The following ST3GAL6 variants were observed in gnomAD, a reference collection of about 807,000 sequenced individuals.
The protein encoded by ST3GAL6 is type 2 lactosamine alpha-2,3-sialyltransferase.
A neutral mutation model predicts 40.5 loss-of-function variants in ST3GAL6; 31 were observed. The ratio of observed to expected loss-of-function variants is 0.77; its 90% confidence interval spans 0.58 to 1.03. ST3GAL6 has a LOEUF of 1.03. ST3GAL6 is among the 50% of genes least tolerant of loss of function. The pLI, the probability that ST3GAL6 is intolerant of heterozygous loss-of-function variation, is 0.00. For missense variants in ST3GAL6, 357 were observed against 393.2 expected (o/e 0.91, Z 0.78); for synonymous variants, 129 against 136.9 (o/e 0.94, Z 0.40).
upstream of ST3GAL6, among the ~76,000 whole-genome samples, chr3:98,758,678 C>G (rs1471811268): frequency 6.6e-6 from 1 of 152,148 alleles, no homozygotes; most frequent in African/African-American, 2.4e-5. Context: ...GTAATGGAAA[C>G]TTAATTTTTC....
At position 98,770,968 on chromosome 3, in the gene ST3GAL6, C is replaced by T; in HGVS notation, c.167+12C>T. 6.2e-7 allele frequency: 1 copy of T among 1,611,688 alleles called. No homozygotes were observed. Among genetic ancestry groups the T allele is most frequent in the African/African-American group, 1.3e-5 (1 of 74,908 alleles). On this transcript the variant is annotated intron_variant, in intron 3 of 9. Transcript: ENST00000483910. The stretch of plus-strand genomic sequence containing the variant: ...GCCTCTCTGCTGAGGTAAAAATATA[C>T]CAGAAAAACCTGTGGCATACAAAAT...
At chr3:98,753,277 C>T (rs1281188352) in intron 1 of ST3GAL6, among the ~76,000 whole-genome samples, 1 of 152,170 alleles carries the variant, frequency 6.6e-6, no homozygotes. Flanking sequence ...AGCCTGATCC[C>T]AAACAAGGCT....
Position 98,788,120 on chromosome 3 carries a change from T to G in ST3GAL6, c.516T>G (p.Phe172Leu). ...GACTTTTTTATCCAGAATCTGTTTT[T>G]TCAGATCCTATTCACAATGACCCTA... ...TFRLFYPESV[F>L]SDPIHNDPNT... Residue 172 changes from phenylalanine (F) to leucine (L), a missense_variant, in exon 7 of 10, where the codon TTT becomes TTG. Phe to Leu is a conservative substitution (Grantham distance 22). Coordinates refer to ENST00000483910, the MANE Select transcript of ST3GAL6 (RefSeq NM_001323368.2). The G allele has an allele frequency of 6.2e-7, 1 of 1,614,040 alleles. No individual in the cohort carries two copies. Among genetic ancestry groups the G allele is most frequent in the Non-Finnish European group, 8.5e-7 (1 of 1,179,964 alleles).
chr3:98,740,101 A>C (rs1935934050), intron 1 of ST3GAL6, among the ~76,000 whole-genome samples: 1 of 152,164 alleles, frequency 6.6e-6, no homozygotes, highest in Admixed American at 6.5e-5. Context: ...ATGATAAATA[A>C]TTGGATTTTT....
Position 98,788,311 on chromosome 3 carries a change from A to G in ST3GAL6, c.619-15A>G. 6.2e-7 allele frequency: 1 copy of G among 1,600,618 alleles called. No individual in the cohort carries two copies. The highest frequency in any genetic ancestry group is 8.5e-7 in the Non-Finnish European group (1 of 1,175,286). On this transcript the variant is annotated splice_polypyrimidine_tract_variant and intron_variant, in intron 7 of 9. Coordinates refer to ENST00000483910, the MANE Select transcript of ST3GAL6 (RefSeq NM_001323368.2). ...ACAGCCACACTGTTCTATTCTCTAT[A>G]TTTTTTACTTTCAGAACACTAATGG...
intron 2 of ST3GAL6, among the ~76,000 whole-genome samples, chr3:98,769,656 C>G (rs1262400083): frequency 6.6e-6 from 1 of 152,186 alleles, no homozygotes; most frequent in Non-Finnish European, 1.5e-5. Context: ...TGTCACTCCT[C>G]AGCTAACACA....
chr3:98,777,593 A>T (rs1358681780), intron 5 of ST3GAL6, among the ~76,000 whole-genome samples: 1 of 152,230 alleles, frequency 6.6e-6, no homozygotes, highest in African/African-American at 2.4e-5. Context: ...AGGAAACAAG[A>T]TTATTGGGGA....
At chr3:98,763,602 A>G (rs926566850) in intron 1 of ST3GAL6, among the ~76,000 whole-genome samples, 163 bp downstream of exon 1, 2 of 152,142 alleles carry the variant, frequency 1.3e-5, no homozygotes, top group African/African-American at 4.8e-5. Flanking sequence ...AGTATTATTG[A>G]ACAGCAGCAT....
Position 98,785,022 on chromosome 3 carries a change from C to T in ST3GAL6, c.413C>T (p.Ser138Phe), listed in dbSNP as rs764678596. The change falls in exon 6 of 10, where the codon TCC becomes TTC. Residue 138 changes from serine (S) to phenylalanine (F), a missense_variant. Ser to Phe is a radical substitution (Grantham distance 155). Coordinates refer to ENST00000483910, the MANE Select transcript of ST3GAL6 (RefSeq NM_001323368.2). Reference protein sequence around the residue: ...KNKTLGEKIDSYDVIIRMNNG... With the variant: ...KNKTLGEKIDFYDVIIRMNNG... Reference sequence around the variant, plus strand: ...AAGACATTAGGAGAAAAAATCGACTCCTATGATGTAATAATAAGGTAAATA... The same window carrying T: ...AAGACATTAGGAGAAAAAATCGACTTCTATGATGTAATAATAAGGTAAATA... The T allele has an allele frequency of 2.5e-6, 4 of 1,605,104 alleles. No homozygotes were observed. The highest frequency in any genetic ancestry group is 1.7e-5 in the Admixed American group (1 of 59,960).
At chr3:98,787,454 A>G (rs912176958) in intron 6 of ST3GAL6, among the ~76,000 whole-genome samples, 2 of 152,250 alleles carry the variant, frequency 1.3e-5, no homozygotes, top group Admixed American at 1.3e-4. Context: ...GGCTTTCAGC[A>G]TACACAAACC....
At chr3:98,758,390 T>C (rs1937545845), upstream of ST3GAL6, among the ~76,000 whole-genome samples, 1 of 152,216 alleles carries the variant, frequency 6.6e-6, no homozygotes, top group African/African-American at 2.4e-5. Context: ...GAGTTCTTGA[T>C]TTTTATTTGC....
At chr3:98,779,026 T>C (rs571081068) in intron 5 of ST3GAL6, among the ~76,000 whole-genome samples, 1 of 152,306 alleles carries the variant, frequency 6.6e-6, no homozygotes, top group African/African-American at 2.4e-5. Flanking sequence ...CTCCCGGACA[T>C]TGGACTGTGT....
chr3:98,742,478 C>T (rs1238800941), intron 1 of ST3GAL6, among the ~76,000 whole-genome samples: 1 of 152,088 alleles, frequency 6.6e-6, no homozygotes, highest in Non-Finnish European at 1.5e-5. Flanking sequence ...AGTGGAATGT[C>T]AGGGAGAGGT....
rs542193364 is a variant in ST3GAL6, at chr3:98,783,582, A to T, written c.336-1363A>T. ...CTATAGACTCCCAGAAAAAAGAAAT[A>T]AAAAAAATGCAAAGAAAATTTAAAT... On this transcript the variant is annotated intron_variant, in intron 5 of 9. Transcript: ENST00000483910. 168 of 980,042 alleles carry T rather than the reference A, an allele frequency of 1.7e-4. No homozygotes were observed. In the African/African-American group the frequency reaches 2.6e-3, roughly 15 times the overall value. The allele number at this position is 980,042 out of a possible 1,614,324, so 60.7% of individuals were successfully genotyped here. A position where few individuals can be genotyped will look rare whatever the true frequency, so the allele number is the denominator to read the frequency against.
chr3:98,784,229 G>A (rs979892015), intron 5 of ST3GAL6, among the ~76,000 whole-genome samples: 3 of 152,230 alleles, frequency 2.0e-5, no homozygotes, highest in Admixed American at 2.0e-4. Flanking sequence ...GCCTGCCTGG[G>A]TGAGGGTAAG....
chr3:98,791,343 CTAGAGT>C (rs1195287141), intron 8 of ST3GAL6, among the ~76,000 whole-genome samples: 1 of 152,110 alleles, frequency 6.6e-6, no homozygotes, highest in African/African-American at 2.4e-5. Flanking sequence ...TAGCCTTTCC[CTAGAGT>C]TAGTTTAAAT....
chr3:98,737,568 T>G (rs1170740058), intron 1 of ST3GAL6, among the ~76,000 whole-genome samples: 3 of 152,224 alleles, frequency 2.0e-5, no homozygotes, highest in African/African-American at 7.2e-5. Context: ...TCAAGATGTC[T>G]CATCATCACC....
chr3:98,783,029 C>G, intron 5 of ST3GAL6: 1 of 287,918 alleles, frequency 3.5e-6, no homozygotes, highest in Non-Finnish European at 6.8e-6. Flanking sequence ...GCTGCGGGGA[C>G]CATCATCCCC....
At chr3:98,761,480 G>A (rs772875630), upstream of ST3GAL6, among the ~76,000 whole-genome samples, 17 of 151,820 alleles carry the variant, frequency 1.1e-4, no homozygotes, top group Non-Finnish European at 2.4e-4. Flanking sequence ...ATGGTGGCAC[G>A]TGCCTATAGT....
Sources: gnomAD v4.1 joint callset for allele counts (sites outside exome capture counted in the v4.1 genomes callset) on GRCh38, gnomAD v4.1.1 for gene constraint, MANE v1.5 for transcripts, NCBI Gene and HGNC (gene_info 2026-07-23, HGNC 2026-07-21) for gene names.